The following FOXO3 variants were observed in gnomAD, a reference collection of about 807,000 sequenced individuals.
FOXO3 encodes forkhead box O3.
A neutral mutation model predicts 41.9 loss-of-function variants in FOXO3; 4 were observed. That is an observed-to-expected ratio of 0.10 (90% CI 0.05 to 0.22). The LOEUF is 0.22. FOXO3 is among the 10% of genes least tolerant of loss of function. The probability of loss-of-function intolerance (pLI) is 1.00; values close to 1 mark genes in which losing one functional copy is unlikely to be tolerated. For synonymous variants in FOXO3, 318 were observed against 389.3 expected (o/e 0.82, Z 2.16); for missense variants, 534 against 906.8 (o/e 0.59, Z 5.28).
At chr6:108,604,484 A>G (rs1181612279) in intron 1 of FOXO3, among the ~76,000 whole-genome samples, 4 of 152,254 alleles carry the variant, frequency 2.6e-5, no homozygotes, top group Admixed American at 6.5e-5. Context: ...TGAAATGAGT[A>G]GAAATGTTAT....
intron 1 of FOXO3, among the ~76,000 whole-genome samples, chr6:108,592,380 G>C (rs1014532135): frequency 2.0e-5 from 3 of 152,046 alleles, no homozygotes; most frequent in Non-Finnish European, 4.4e-5. Flanking sequence ...GTCCATTTAC[G>C]CCAGTTTTTA....
At chr6:108,666,875 C>T (rs576607825) in intron 2 of FOXO3, among the ~76,000 whole-genome samples, 3 of 152,166 alleles carry the variant, frequency 2.0e-5, no homozygotes, top group African/African-American at 2.4e-5. Context: ...GGTTCTGTTC[C>T]GTGCCCCAGC....
At chr6:108,647,861 G>T (rs1778435793) in intron 1 of FOXO3, among the ~76,000 whole-genome samples, 1 of 151,966 alleles carries the variant, frequency 6.6e-6, no homozygotes, top group Non-Finnish European at 1.5e-5. Flanking sequence ...CTCTTTTTTT[G>T]GAAACTTGGA....
chr6:108,594,944 T>G lies in FOXO3; in HGVS notation c.621+33115T>G, dbSNP rs145364506. The stretch of plus-strand genomic sequence containing the variant: ...TGCTTATGCAACCTTTTCAGCACGT[T>G]GGTACCTACGTGTCAGGGACAATGT... On this transcript the variant is annotated intron_variant, in intron 1 of 2. Coordinates refer to ENST00000406360, the MANE Select transcript of FOXO3 (RefSeq NM_001455.4). 5.9e-3 allele frequency among the ~76,000 whole-genome samples: 905 copies of G among 152,330 alleles called. 3 individuals carry two copies. Among genetic ancestry groups the G allele is most frequent in the Middle Eastern group, 0.014 (4 of 294 alleles).
At chr6:108,617,582 A>G (rs983922394) in intron 1 of FOXO3, among the ~76,000 whole-genome samples, 9 of 152,244 alleles carry the variant, frequency 5.9e-5, no homozygotes, top group African/African-American at 2.2e-4. Flanking sequence ...AATTAAAAAC[A>G]TGAAAATTCT....
chr6:108,660,661 A>G (rs1403347889), intron 1 of FOXO3, among the ~76,000 whole-genome samples: 1 of 151,926 alleles, frequency 6.6e-6, no homozygotes, highest in African/African-American at 2.4e-5. Flanking sequence ...ACTTGATGTC[A>G]GGAGTTTGAG....
At chr6:108,588,747 A>C (rs528825139) in intron 1 of FOXO3, among the ~76,000 whole-genome samples, 6 of 152,210 alleles carry the variant, frequency 3.9e-5, no homozygotes, top group Non-Finnish European at 8.8e-5. Context: ...GGAGAAACAG[A>C]AAATACAGCT....
chr6:108,574,234 A>C (rs1005610632), intron 1 of FOXO3, among the ~76,000 whole-genome samples: 2 of 151,748 alleles, frequency 1.3e-5, no homozygotes, highest in African/African-American at 4.8e-5. Flanking sequence ...GAATTCTGTC[A>C]GAAACCTGTT....
intron 1 of FOXO3, among the ~76,000 whole-genome samples, chr6:108,583,842 C>T (rs191442649): frequency 9.8e-5 from 15 of 152,342 alleles, no homozygotes; most frequent in African/African-American, 3.6e-4. Context: ...GTGAAGCAAT[C>T]TGTGTGTGCT....
chr6:108,596,340 C>T (rs955987944), intron 1 of FOXO3, among the ~76,000 whole-genome samples: 1 of 147,148 alleles, frequency 6.8e-6, no homozygotes, highest in Non-Finnish European at 1.5e-5. Context: ...GCTTATGGAC[C>T]CACTAAGTCC....
intron 2 of FOXO3, among the ~76,000 whole-genome samples, chr6:108,673,813 C>G (rs957325146): frequency 6.6e-6 from 1 of 152,154 alleles, no homozygotes; most frequent in Non-Finnish European, 1.5e-5. Context: ...AGGATAGGGT[C>G]ACACCCAGCA....
At chr6:108,579,518 A>G (rs966188294) in intron 1 of FOXO3, among the ~76,000 whole-genome samples, 11 of 152,332 alleles carry the variant, frequency 7.2e-5, no homozygotes, top group Non-Finnish European at 1.3e-4. Flanking sequence ...ACTTGTACAC[A>G]TTGGAAGTCA....
intron 1 of FOXO3, among the ~76,000 whole-genome samples, chr6:108,574,281 A>G (rs954546914): frequency 2.0e-5 from 3 of 152,120 alleles, no homozygotes; most frequent in Admixed American, 2.0e-4. Flanking sequence ...GGTCACTGCC[A>G]GGTGTGACCA....
chr6:108,650,137 A>G (rs1341327562), intron 1 of FOXO3, among the ~76,000 whole-genome samples: 1 of 152,170 alleles, frequency 6.6e-6, no homozygotes, highest in African/African-American at 2.4e-5. Context: ...GACCCTGCCA[A>G]CTCAGACTTA....
chr6:108,587,756 G>T (rs755599733), intron 1 of FOXO3, among the ~76,000 whole-genome samples: 11 of 152,206 alleles, frequency 7.2e-5, no homozygotes, highest in Non-Finnish European at 7.4e-5. Context: ...GAGGTTATCT[G>T]TACTTACTTG....
intron 1 of FOXO3, among the ~76,000 whole-genome samples, chr6:108,579,193 G>A (rs1006898261): frequency 2.6e-5 from 4 of 152,134 alleles, no homozygotes; most frequent in African/African-American, 9.7e-5. Context: ...TGCTGTTAGT[G>A]GCATTCCTTT....
intron 1 of FOXO3, among the ~76,000 whole-genome samples, chr6:108,642,552 A>G (rs2128379769): frequency 6.6e-6 from 1 of 152,296 alleles, no homozygotes; most frequent in Admixed American, 6.5e-5. Context: ...CAAAGGTTGT[A>G]GTTTAGAAGG....
intron 1 of FOXO3, among the ~76,000 whole-genome samples, chr6:108,578,625 T>G (rs888259881): frequency 6.6e-6 from 1 of 151,738 alleles, no homozygotes; most frequent in Admixed American, 6.6e-5. Flanking sequence ...TGGATTCATG[T>G]TTTTTTTTGT....
At chr6:108,613,699 T>TC (rs34943114) in intron 1 of FOXO3, among the ~76,000 whole-genome samples, 2 of 152,244 alleles carry the variant, frequency 1.3e-5, no homozygotes, top group African/African-American at 4.8e-5. Context: ...CACTGACTTT[T>TC]CCCCCGTTAC....
Sources: gnomAD v4.1 joint callset for allele counts (sites outside exome capture counted in the v4.1 genomes callset) on GRCh38, gnomAD v4.1.1 for gene constraint, MANE v1.5 for transcripts, NCBI Gene and HGNC (gene_info 2026-07-23, HGNC 2026-07-21) for gene names.